The following CENPW variants were observed in gnomAD, a reference collection of about 807,000 sequenced individuals.
CENPW encodes the protein centromere protein W.
CENPW carries 3 observed loss-of-function variants against 11.1 expected under a neutral mutation model. The observed-to-expected ratio is 0.27, with a 90% CI of 0.12 to 0.70. CENPW has a LOEUF of 0.70. CENPW is among the 30% of genes least tolerant of loss of function. CENPW has a pLI of 0.77. For missense variants in CENPW, 100 were observed against 105.6 expected (o/e 0.95, Z 0.23); for synonymous variants, 38 against 42.0 (o/e 0.91, Z 0.37).
chr6:126,453,276 G>T, the CENPW span, among the ~76,000 whole-genome samples: 246 of 151,236 alleles, frequency 1.6e-3, 1 homozygote, highest in African/African-American at 5.7e-3. Flanking sequence ...CCCCAAGGCT[G>T]AAATGAAGGA....
chr6:126,340,185 A>C lies in CENPW; in HGVS notation c.-89A>C. On this transcript the variant is annotated 5_prime_UTR_variant, in exon 1 of 3. Transcript: ENST00000368328. Reference sequence around the variant, plus strand: ...CCTGAAGAAGCGTCATACGGACCGGATTGTTTTCGCTGGCCCAGTGTCCCC... The same window carrying C: ...CCTGAAGAAGCGTCATACGGACCGGCTTGTTTTCGCTGGCCCAGTGTCCCC... 1 of 1,237,810 alleles carries C rather than the reference A, an allele frequency of 8.1e-7. No individual in the cohort carries two copies. Among genetic ancestry groups the C allele is most frequent in the South Asian group, 1.3e-5 (1 of 76,108 alleles). 76.7% of individuals were successfully genotyped at this position (1,237,810 alleles called of 1,614,324 possible).
At chr6:126,389,865 T>C in the CENPW span, among the ~76,000 whole-genome samples, 1 of 151,872 alleles carries the variant, frequency 6.6e-6, no homozygotes, top group Admixed American at 6.6e-5. Context: ...GACTTTCAAA[T>C]AAAAGTTTGA....
the CENPW span, among the ~76,000 whole-genome samples, chr6:126,423,827 AT>A: frequency 3.5e-4 from 49 of 138,120 alleles, no homozygotes; most frequent in East Asian, 2.1e-3. Context: ...TTTCTCTTAA[AT>A]TTTTTTTTCT....
At chr6:126,417,520 G>A in the CENPW span, among the ~76,000 whole-genome samples, 1,187 of 152,234 alleles carry the variant, frequency 7.8e-3, 11 homozygotes, top group African/African-American at 0.018. Flanking sequence ...CCCACATGTT[G>A]TGGGATGGGC....
At chr6:126,435,942 T>C in the CENPW span, among the ~76,000 whole-genome samples, 4 of 151,886 alleles carry the variant, frequency 2.6e-5, no homozygotes, top group Non-Finnish European at 5.9e-5. Flanking sequence ...GAAGTAAAAA[T>C]AATGTTTCAA....
the CENPW span, among the ~76,000 whole-genome samples, chr6:126,411,106 T>G: frequency 6.6e-6 from 1 of 152,158 alleles, no homozygotes; most frequent in Non-Finnish European, 1.5e-5. Flanking sequence ...AACTATTACC[T>G]CTTCCATAGT....
chr6:126,420,253 G>A, the CENPW span, among the ~76,000 whole-genome samples: 1 of 152,124 alleles, frequency 6.6e-6, no homozygotes, highest in African/African-American at 2.4e-5. Context: ...GGCTGGATGT[G>A]AGATGGCCTA....
chr6:126,476,165 G>A, the CENPW span, among the ~76,000 whole-genome samples: 1 of 151,710 alleles, frequency 6.6e-6, no homozygotes, highest in South Asian at 2.1e-4. Flanking sequence ...TTATGTTCAG[G>A]TCACCCAGCA....
At chr6:126,461,092 G>T in the CENPW span, among the ~76,000 whole-genome samples, 1 of 151,836 alleles carries the variant, frequency 6.6e-6, no homozygotes, top group Non-Finnish European at 1.5e-5. Context: ...ACACGGTTTG[G>T]CTCTGTGTCT....
At chr6:126,358,511 A>G in the CENPW span, among the ~76,000 whole-genome samples, 3 of 152,184 alleles carry the variant, frequency 2.0e-5, no homozygotes, top group Non-Finnish European at 2.9e-5. Context: ...AAATCACATT[A>G]TTGATGTACA....
At chr6:126,452,831 A>G in the CENPW span, among the ~76,000 whole-genome samples, 1 of 151,116 alleles carries the variant, frequency 6.6e-6, no homozygotes, top group Non-Finnish European at 1.5e-5. Flanking sequence ...CAGACACATC[A>G]TAATCAAGCT....
the CENPW span, among the ~76,000 whole-genome samples, chr6:126,469,771 C>G: frequency 6.6e-6 from 1 of 152,228 alleles, no homozygotes; most frequent in East Asian, 1.9e-4. Flanking sequence ...TACGCTTTAG[C>G]AAAGAGAATG....
the CENPW span, among the ~76,000 whole-genome samples, chr6:126,401,061 CTT>C: frequency 4.6e-5 from 7 of 152,026 alleles, no homozygotes; most frequent in African/African-American, 1.7e-4. Flanking sequence ...TGCTTCATCT[CTT>C]TACATCATGT....
chr6:126,408,956 G>A, the CENPW span, among the ~76,000 whole-genome samples: 1 of 151,076 alleles, frequency 6.6e-6, no homozygotes, highest in African/African-American at 2.4e-5. Flanking sequence ...TTTATTTTAT[G>A]TTCTTATTTT....
chr6:126,433,168 A>G, the CENPW span, among the ~76,000 whole-genome samples: 2 of 152,208 alleles, frequency 1.3e-5, no homozygotes, highest in Non-Finnish European at 2.9e-5. Context: ...TTCATTTAGA[A>G]ACACATATTT....
chr6:126,355,836 G>A, the CENPW span, among the ~76,000 whole-genome samples: 1 of 152,110 alleles, frequency 6.6e-6, no homozygotes, highest in Non-Finnish European at 1.5e-5. Context: ...AAGAGCTTCT[G>A]ATTCTTTAGT....
the CENPW span, among the ~76,000 whole-genome samples, chr6:126,368,792 C>T: frequency 4.7e-4 from 72 of 152,150 alleles, no homozygotes; most frequent in African/African-American, 1.7e-3. Flanking sequence ...CTACAGGCGC[C>T]TGCCACCATG....
At chr6:126,360,728 A>G in the CENPW span, among the ~76,000 whole-genome samples, 1 of 149,970 alleles carries the variant, frequency 6.7e-6, no homozygotes, top group Non-Finnish European at 1.5e-5. Flanking sequence ...ACTACTTTCT[A>G]TTGTATTATG....
At chr6:126,353,165 C>G (rs1050453746), downstream of CENPW, among the ~76,000 whole-genome samples, 11 of 151,618 alleles carry the variant, frequency 7.3e-5, no homozygotes, top group African/African-American at 2.7e-4. Context: ...TTTATATTAT[C>G]ACATTTACCG....
Sources: allele counts gnomAD v4.1 joint callset (sites outside exome capture counted in the v4.1 genomes callset), GRCh38; gene constraint gnomAD v4.1.1; transcripts MANE v1.5; gene names NCBI Gene and HGNC (gene_info 2026-07-23, HGNC 2026-07-21).